The following TMCO6 variants were observed in gnomAD, a reference collection of about 807,000 sequenced individuals.
TMCO6 encodes the protein transmembrane and coiled-coil domains 6, also known as transmembrane and coiled-coil domain-containing protein 6.
In TMCO6, 47 loss-of-function variants were observed where a neutral mutation model predicts 61.8. The ratio of observed to expected loss-of-function variants is 0.76; its 90% CI spans 0.60 to 0.97. The LOEUF (loss-of-function observed/expected upper bound fraction) is 0.97. Among genes scored for constraint, TMCO6 ranks in the 50% least tolerant of loss-of-function variants. The pLI is 0.00. For missense variants in TMCO6, 557 were observed against 601.6 expected, an observed-to-expected ratio of 0.93 and a Z score of 0.78; for synonymous variants, 261 against 254.2, an observed-to-expected ratio of 1.03 and a Z score of -0.25.
Position 140,642,438 on chromosome 5 carries a change from C to T in TMCO6, c.603+19C>T, listed in dbSNP as rs1757100192. 6.2e-7 allele frequency: 1 copy of T among 1,609,570 alleles called. No individual in the cohort carries two copies. Among genetic ancestry groups the T allele is most frequent in the Non-Finnish European group, 8.5e-7 (1 of 1,177,374 alleles). On this transcript the variant is annotated intron_variant, in intron 5 of 11. Transcript: ENST00000394671. ...CATCCAGGTGACTCCTTTCTTCCTC[C>T]CTGGGCAACCCTTCCTTTGCTCCTC... is the stretch of plus-strand genomic sequence containing the variant.
At chr5:140,639,643 A>G (rs1561943205) in intron 1 of TMCO6, 31 bp downstream of exon 1, 1 of 1,540,126 alleles carries the variant, frequency 6.5e-7, no homozygotes, top group East Asian at 2.5e-5. Context: ...GCGGGGGTAT[A>G]TGGCGGTCGG....
upstream of TMCO6, among the ~76,000 whole-genome samples, chr5:140,634,724 G>A (rs768686042): frequency 2.0e-5 from 3 of 152,110 alleles, no homozygotes; most frequent in Non-Finnish European, 4.4e-5. Context: ...TGATCCGCCC[G>A]CCTTGGCCTC....
downstream of TMCO6, chr5:140,645,515 T>A (rs773021648): frequency 6.3e-7 from 1 of 1,584,730 alleles, no homozygotes; most frequent in Non-Finnish European, 8.6e-7. Context: ...GAGAACACAT[T>A]TTTTTCACAT....
chr5:140,613,891 TTTGTTGTTGTTG>T, the TMCO6 span, among the ~76,000 whole-genome samples: 1 of 150,554 alleles, frequency 6.6e-6, no homozygotes, highest in Admixed American at 6.6e-5. Context: ...ATCGTTTTTT[TTTGTTGTTGTTG>T]TTGTTGTTGT....
the TMCO6 span, chr5:140,631,714 A>T: frequency 2.6e-6 from 2 of 784,004 alleles, no homozygotes; most frequent in Non-Finnish European, 4.2e-6. Flanking sequence ...AAGGTCTGTT[A>T]AATGAATGAC....
rs984034588 is a variant in TMCO6 at position 140,643,926 on chromosome 5, T to C, written c.1065T>C (p.Ser355=). 2 of 1,614,216 alleles carry C rather than the reference T, an allele frequency of 1.2e-6. No individual in the cohort carries two copies. The highest frequency in any genetic ancestry group is 1.7e-6 in the Non-Finnish European group (2 of 1,180,036). ...AGTTCTTTTTCCAGAAACAGCCCAG[T>C]CTGCTCCCTGAGGGCCTTTGGCTCC... is the stretch of plus-strand genomic sequence containing the variant. ...LLQFFFQKQP[S]LLPEGLWLLN... Residue 355 remains serine (S), a synonymous_variant, in exon 9 of 12, where the codon AGT becomes AGC. Coordinates refer to ENST00000394671, the MANE Select transcript of TMCO6 (RefSeq NM_018502.5).
chr5:140,613,958 G>T, the TMCO6 span, among the ~76,000 whole-genome samples: 1 of 151,830 alleles, frequency 6.6e-6, no homozygotes, highest in Admixed American at 6.6e-5. Context: ...GAGTGCAGTG[G>T]TGCGGTCTCG....
chr5:140,610,346 ACT>A, the TMCO6 span, among the ~76,000 whole-genome samples: 43 of 151,940 alleles, frequency 2.8e-4, 1 homozygote, highest in East Asian at 7.9e-3. Context: ...ACGGCACAAG[ACT>A]CTGTCTCAAA....
chr5:140,624,940 G>C, the TMCO6 span, among the ~76,000 whole-genome samples: 1 of 145,794 alleles, frequency 6.9e-6, no homozygotes, highest in East Asian at 2.0e-4. Flanking sequence ...TGCAACCTCT[G>C]CCTCCCAGGT....
chr5:140,642,727 C>T (rs1407117686), intron 6 of TMCO6, 56 bp downstream of exon 6: 10 of 1,588,492 alleles, frequency 6.3e-6, no homozygotes, highest in Admixed American at 1.7e-5. Context: ...AGTAGTATAG[C>T]TCCCGGATGC....
At chr5:140,602,567 C>G in the TMCO6 span, among the ~76,000 whole-genome samples, 1 of 150,182 alleles carries the variant, frequency 6.7e-6, no homozygotes, top group Non-Finnish European at 1.5e-5. Context: ...AGTTTGAGAC[C>G]AGCCTAACCA....
At chr5:140,615,029 A>T in the TMCO6 span, among the ~76,000 whole-genome samples, 1 of 152,258 alleles carries the variant, frequency 6.6e-6, no homozygotes, top group Non-Finnish European at 1.5e-5. Context: ...TTCGTAAATG[A>T]CATGATCTTA....
the TMCO6 span, among the ~76,000 whole-genome samples, chr5:140,623,033 G>T: frequency 6.6e-6 from 1 of 152,250 alleles, no homozygotes; most frequent in South Asian, 2.1e-4. Flanking sequence ...TTTGCTTTCT[G>T]CTTTGAATTC....
chr5:140,642,344 G>T lies in TMCO6; in HGVS notation c.528G>T (p.Leu176=). ...TGTGTCTGTATACACTGGGTAACCT[G>T]ATCGTGGAGAGTGAGGCTGTGAGAA... is the stretch of plus-strand genomic sequence containing the variant. ...IELCLYTLGN[L]IVESEAVRRQ... Residue 176 remains leucine (L), a synonymous_variant, in exon 5 of 12, where the codon CTG becomes CTT. Transcript: ENST00000394671. The T allele has an allele frequency of 6.2e-7, 1 of 1,613,736 alleles. No individual in the cohort carries two copies. The highest frequency in any genetic ancestry group is 1.7e-5 in the Admixed American group (1 of 59,966).
chr5:140,636,480 TA>T (rs1343440960), upstream of TMCO6, among the ~76,000 whole-genome samples: 1 of 108,218 alleles, frequency 9.2e-6, no homozygotes, highest in South Asian at 3.3e-4. Flanking sequence ...AAAAAAAAAA[TA>T]AATAAATAAA....
chr5:140,605,640 G>A, the TMCO6 span, among the ~76,000 whole-genome samples: 6 of 150,774 alleles, frequency 4.0e-5, no homozygotes, highest in East Asian at 3.9e-4. Context: ...AGATCTCGTC[G>A]TTGCACTCCA....
the TMCO6 span, among the ~76,000 whole-genome samples, chr5:140,604,189 A>G: frequency 2.0e-5 from 3 of 151,866 alleles, no homozygotes; most frequent in African/African-American, 7.3e-5. Context: ...TAAAAACTGG[A>G]TTGAGACCAG....
the TMCO6 span, chr5:140,633,327 G>T: frequency 1.6e-6 from 1 of 610,078 alleles, no homozygotes; most frequent in East Asian, 2.8e-5. Context: ...TTTCAGGGAG[G>T]GGGACCGTAA....
chr5:140,598,686 G>A, the TMCO6 span, among the ~76,000 whole-genome samples: 1 of 152,320 alleles, frequency 6.6e-6, no homozygotes, highest in East Asian at 1.9e-4. Flanking sequence ...CGTAATCCCA[G>A]CACTTTGGGA....
Sources: gnomAD v4.1 joint callset for allele counts (sites outside exome capture counted in the v4.1 genomes callset) on GRCh38, gnomAD v4.1.1 for gene constraint, MANE v1.5 for transcripts, NCBI Gene and HGNC (gene_info 2026-07-23, HGNC 2026-07-21) for gene names.